The following PTPRD variants were observed in gnomAD, a reference collection of about 807,000 sequenced individuals.
PTPRD encodes protein tyrosine phosphatase receptor type D.
Under a neutral mutation model 214.5 loss-of-function variants are expected in PTPRD, and 34 were observed. The ratio of observed to expected loss-of-function variants is 0.16; its 90% confidence interval spans 0.12 to 0.21. The LOEUF (loss-of-function observed/expected upper bound fraction) is 0.21, where lower values mean the gene tolerates loss of function less well. Among genes scored for constraint, PTPRD ranks in the 10% least tolerant of loss-of-function variants. PTPRD has a pLI of 1.00. For synonymous variants in PTPRD, 1,128 were observed against 845.7 expected, an observed-to-expected ratio of 1.33 and a Z score of -5.79; for missense variants, 2,545 against 2,398.7, an observed-to-expected ratio of 1.06 and a Z score of -1.27.
chr9:10,464,402 G>T (rs10959111), intron 2 of PTPRD, among the ~76,000 whole-genome samples: 2 of 143,660 alleles, frequency 1.4e-5, no homozygotes, highest in South Asian at 2.5e-4. Flanking sequence ...GAGAGAGAGA[G>T]ATAGAGAGAC....
intron 9 of PTPRD, among the ~76,000 whole-genome samples, chr9:9,197,561 C>G (rs1485819127): frequency 1.3e-5 from 2 of 152,166 alleles, no homozygotes; most frequent in African/African-American, 4.8e-5. Flanking sequence ...CAGGCGCGTG[C>G]CACCACACCC....
At chr9:8,698,665 C>A (rs2097990170) in intron 12 of PTPRD, among the ~76,000 whole-genome samples, 1 of 152,178 alleles carries the variant, frequency 6.6e-6, no homozygotes, top group African/African-American at 2.4e-5. Context: ...GGGGATTCTA[C>A]ACCTGCCGCC....
At chr9:8,747,894 C>T (rs1380686510) in intron 11 of PTPRD, among the ~76,000 whole-genome samples, 2 of 152,160 alleles carry the variant, frequency 1.3e-5, no homozygotes, top group East Asian at 3.9e-4. Flanking sequence ...GCACTGCAGG[C>T]CATACATTTC....
At chr9:10,157,080 C>A (rs2099098188) in intron 3 of PTPRD, among the ~76,000 whole-genome samples, 1 of 152,076 alleles carries the variant, frequency 6.6e-6, no homozygotes, top group African/African-American at 2.4e-5. Context: ...TGGTTCTATA[C>A]CCAGTTTGTC....
chr9:9,865,821 A>G (rs981308016), intron 5 of PTPRD, among the ~76,000 whole-genome samples: 20 of 152,218 alleles, frequency 1.3e-4, no homozygotes, highest in African/African-American at 4.3e-4. Flanking sequence ...TTAGCCGATT[A>G]AAGATAATTT....
rs368412140 is a variant in PTPRD, at chr9:9,415,668, T to A, written c.-236-18186A>T. On this transcript the variant is annotated intron_variant, in intron 8 of 45. Coordinates refer to ENST00000381196, the MANE Select transcript of PTPRD (RefSeq NM_002839.4). ...AAGCCATAAGATTACCCTTTAGGGA[T>A]TAGTAATAGGACAAAATTTTTGACC... Among the ~76,000 whole-genome samples, 17 of 152,198 alleles carry A rather than the reference T, an allele frequency of 1.1e-4. 1 individual carries two copies. Among genetic ancestry groups the A allele is most frequent in the African/African-American group, 4.1e-4 (17 of 41,524 alleles).
chr9:8,339,176 C>CCAATTG, intron 42 of PTPRD, 129 bp from the exon 43 acceptor site: 1 of 921,706 alleles, frequency 1.1e-6, no homozygotes, highest in Non-Finnish European at 1.5e-6. Flanking sequence ...CAAGGCAATT[C>CCAATTG]CAATTGCATA....
chr9:10,459,363 A>G (rs73390363), intron 2 of PTPRD, among the ~76,000 whole-genome samples: 3,341 of 152,264 alleles, frequency 0.022, 104 homozygotes, highest in African/African-American at 0.068. Context: ...ATAGACATAT[A>G]TGTGCATGCG....
intron 44 of PTPRD, among the ~76,000 whole-genome samples, chr9:8,321,507 A>ATATATATATATATATATG (rs1827938649): frequency 1.0e-4 from 10 of 100,008 alleles, no homozygotes; most frequent in African/African-American, 4.3e-4. Context: ...ATATATATAT[A>ATATATATATATATATATG]TATATATATA....
At chr9:10,006,562 A>T (rs2096481612) in intron 4 of PTPRD, among the ~76,000 whole-genome samples, 1 of 151,980 alleles carries the variant, frequency 6.6e-6, no homozygotes, top group Admixed American at 6.6e-5. Flanking sequence ...GAGTTGAGAG[A>T]ATATGCATGA....
intron 4 of PTPRD, among the ~76,000 whole-genome samples, chr9:10,015,104 C>A (rs994290463): frequency 6.6e-6 from 1 of 152,094 alleles, no homozygotes; most frequent in Non-Finnish European, 1.5e-5. Context: ...ACCTGGGCAG[C>A]TTTTCTATAA....
chr9:10,525,584 T>C (rs1270763565), intron 2 of PTPRD, among the ~76,000 whole-genome samples: 1 of 152,188 alleles, frequency 6.6e-6, no homozygotes, highest in Non-Finnish European at 1.5e-5. Flanking sequence ...AGCTCTTTAT[T>C]GTCTTACTTC....
intron 2 of PTPRD, among the ~76,000 whole-genome samples, chr9:10,603,068 C>A (rs1425784145): frequency 6.6e-6 from 1 of 151,688 alleles, no homozygotes; most frequent in Non-Finnish European, 1.5e-5. Flanking sequence ...AGCTGATATA[C>A]CATAAAATCT....
intron 14 of PTPRD, among the ~76,000 whole-genome samples, chr9:8,546,334 T>A (rs1364464461): frequency 6.6e-6 from 1 of 152,218 alleles, no homozygotes; most frequent in Non-Finnish European, 1.5e-5. Flanking sequence ...CAGATTAACC[T>A]GAGGGACTTT....
At chr9:10,286,884 C>A (rs932522199) in intron 3 of PTPRD, among the ~76,000 whole-genome samples, 2 of 152,152 alleles carry the variant, frequency 1.3e-5, no homozygotes, top group African/African-American at 4.8e-5. Flanking sequence ...CAGGCATAAC[C>A]CACCGTGCAC....
intron 11 of PTPRD, among the ~76,000 whole-genome samples, chr9:8,886,658 G>A (rs563976632): frequency 6.6e-6 from 1 of 152,054 alleles, no homozygotes; most frequent in African/African-American, 2.4e-5. Flanking sequence ...ATAGTCCTAG[G>A]GCTGAATTTT....
At chr9:10,202,138 C>A (rs926944242) in intron 3 of PTPRD, among the ~76,000 whole-genome samples, 57 of 152,080 alleles carry the variant, frequency 3.7e-4, no homozygotes, top group African/African-American at 1.3e-3. Flanking sequence ...CAAATTTCTA[C>A]AGTGCTTTTA....
intron 4 of PTPRD, among the ~76,000 whole-genome samples, chr9:9,958,475 G>C (rs1432346729): frequency 6.6e-6 from 1 of 152,164 alleles, no homozygotes; most frequent in Non-Finnish European, 1.5e-5. Flanking sequence ...AGGTTGCAGT[G>C]AGCCAAGATC....
At chr9:10,567,031 C>T (rs944288608) in intron 2 of PTPRD, among the ~76,000 whole-genome samples, 3 of 151,982 alleles carry the variant, frequency 2.0e-5, no homozygotes, top group Non-Finnish European at 4.4e-5. Context: ...CTGAGCAATC[C>T]CTATGGTACG....
Sources: gnomAD v4.1 joint callset for allele counts (sites outside exome capture counted in the v4.1 genomes callset) on GRCh38, gnomAD v4.1.1 for gene constraint, MANE v1.5 for transcripts, NCBI Gene and HGNC (gene_info 2026-07-23, HGNC 2026-07-21) for gene names.